MSRA: variants seen among roughly 807,000 people sequenced by gnomAD.
MSRA encodes the protein methionine sulfoxide reductase A.
A neutral mutation model predicts 31.3 loss-of-function variants in MSRA; 54 were observed. That is an observed-to-expected ratio of 1.73 (90% CI 1.39 to 2.17). MSRA has a LOEUF of 2.17. MSRA is among the 30% of genes most tolerant of loss of function. The probability of loss-of-function intolerance (pLI) is 0.00; values close to 1 mark genes in which losing one functional copy is unlikely to be tolerated. For synonymous variants in MSRA, 169 were observed against 116.5 expected (o/e 1.45, Z -2.90); for missense variants, 507 against 300.9 (o/e 1.69, Z -5.07).
chr8:10,090,672 A>G lies in MSRA; in HGVS notation c.142+36014A>G, dbSNP rs147601017. 2.0e-5 allele frequency among the ~76,000 whole-genome samples: 3 copies of G among 152,334 alleles called. No homozygotes were observed. In the East Asian group the frequency reaches 5.8e-4, roughly 29 times the overall value. On this transcript the variant is annotated intron_variant, in intron 1 of 5. Transcript: ENST00000317173. Reference sequence around the variant, plus strand: ...CACTCCAAAAGGAAACCCCATAGTCATTGGCAGTCACTTCCAATTCTTCCC... The same window carrying G: ...CACTCCAAAAGGAAACCCCATAGTCGTTGGCAGTCACTTCCAATTCTTCCC...
At chr8:10,325,639 T>C (rs1321743703) in intron 5 of MSRA, among the ~76,000 whole-genome samples, 1 of 152,202 alleles carries the variant, frequency 6.6e-6, no homozygotes. Context: ...AAATCAGCAA[T>C]TTGCAATGCC....
intron 5 of MSRA, among the ~76,000 whole-genome samples, chr8:10,367,252 A>G (rs1033396098): frequency 3.9e-5 from 6 of 152,202 alleles, no homozygotes; most frequent in Non-Finnish European, 5.9e-5. Context: ...AGTAAGAACA[A>G]TAAGATATTT....
intron 1 of MSRA, among the ~76,000 whole-genome samples, chr8:10,155,299 C>G (rs1415298402): frequency 6.6e-6 from 1 of 152,140 alleles, no homozygotes; most frequent in Non-Finnish European, 1.5e-5. Context: ...AACATTTTCA[C>G]TGTGGAAGGA....
chr8:10,143,500 A>G (rs1802877017), intron 1 of MSRA, among the ~76,000 whole-genome samples: 2 of 152,158 alleles, frequency 1.3e-5, no homozygotes, highest in African/African-American at 4.8e-5. Context: ...TTTCATCACG[A>G]GGCTCTATAT....
chr8:10,306,857 A>C lies in MSRA; in HGVS notation c.436+5219A>C, dbSNP rs568205684. On this transcript the variant is annotated intron_variant, in intron 4 of 5. Coordinates refer to ENST00000317173, the MANE Select transcript of MSRA (RefSeq NM_012331.5). ...CACTAAATCTGATTTCTCAGTTGCA[A>C]CCCATCTTGCTGTCCTCAGTCCTGG... 3.3e-5 allele frequency among the ~76,000 whole-genome samples: 5 copies of C among 152,208 alleles called. No individual in the cohort carries two copies. The South Asian group carries it at 1.0e-3, about 32-fold the overall frequency.
At chr8:10,238,441 G>A (rs987723633) in intron 2 of MSRA, among the ~76,000 whole-genome samples, 7 of 152,186 alleles carry the variant, frequency 4.6e-5, no homozygotes, top group Non-Finnish European at 1.0e-4. Flanking sequence ...ACTAAACAGG[G>A]TAGGATCTTG....
At chr8:10,075,429 A>G (rs546002174) in intron 1 of MSRA, among the ~76,000 whole-genome samples, 2 of 152,336 alleles carry the variant, frequency 1.3e-5, no homozygotes, top group South Asian at 4.1e-4. Flanking sequence ...ACGACTGTGT[A>G]TGTGTGTCCA....
At chr8:10,417,323 C>T (rs987744606) in intron 5 of MSRA, among the ~76,000 whole-genome samples, 12 of 152,020 alleles carry the variant, frequency 7.9e-5, no homozygotes, top group East Asian at 1.9e-4. Flanking sequence ...TGATTGATGA[C>T]TCACAGGGGC....
At chr8:10,140,454 A>G (rs1802607467) in intron 1 of MSRA, among the ~76,000 whole-genome samples, 1 of 152,202 alleles carries the variant, frequency 6.6e-6, no homozygotes, top group Non-Finnish European at 1.5e-5. Flanking sequence ...TGGTTTTCAC[A>G]TTTCAGGCAT....
intron 1 of MSRA, among the ~76,000 whole-genome samples, chr8:10,055,863 C>T (rs899350258): frequency 1.3e-5 from 2 of 152,072 alleles, no homozygotes; most frequent in Non-Finnish European, 2.9e-5. Flanking sequence ...GTGTGACTGG[C>T]TTATTATTAA....
chr8:10,202,333 C>T (rs1268453748), intron 1 of MSRA, among the ~76,000 whole-genome samples: 1 of 152,194 alleles, frequency 6.6e-6, no homozygotes, highest in Non-Finnish European at 1.5e-5. Flanking sequence ...AAAGAACTTG[C>T]TATTTTCCCA....
At chr8:10,171,295 G>A (rs1369490259) in intron 1 of MSRA, among the ~76,000 whole-genome samples, 1 of 150,374 alleles carries the variant, frequency 6.7e-6, no homozygotes, top group South Asian at 2.1e-4. Context: ...TCTTATTCCT[G>A]TACACTCCCT....
chr8:10,229,311 A>G (rs1811264068), intron 2 of MSRA, among the ~76,000 whole-genome samples: 1 of 152,238 alleles, frequency 6.6e-6, no homozygotes, highest in African/African-American at 2.4e-5. Context: ...AGAAGTAGCC[A>G]TTAGAGAGGG....
chr8:10,139,442 G>A (rs981737648), intron 1 of MSRA, among the ~76,000 whole-genome samples: 10 of 152,166 alleles, frequency 6.6e-5, no homozygotes, highest in Non-Finnish European at 1.2e-4. Context: ...GTTGCGTAGT[G>A]GTGAAGCCTG....
At chr8:10,200,836 C>G (rs568305265) in intron 1 of MSRA, among the ~76,000 whole-genome samples, 1 of 152,288 alleles carries the variant, frequency 6.6e-6, no homozygotes, top group South Asian at 2.1e-4. Flanking sequence ...TGACTCCATC[C>G]TCTCTCAGAG....
chr8:10,264,548 C>G (rs1798646283), intron 3 of MSRA, among the ~76,000 whole-genome samples: 1 of 152,192 alleles, frequency 6.6e-6, no homozygotes, highest in Admixed American at 6.5e-5. Flanking sequence ...AAAGCTGCTC[C>G]CAGTGGAGCC....
rs958840408 is a variant in MSRA at position 10,428,605 on chromosome 8, G to C, written c.*293G>C. On this transcript the variant is annotated 3_prime_UTR_variant, in exon 6 of 6. Transcript: ENST00000317173. ...GTTCACCCTTCTTGGTAGAAGCTAAGGTGTGAGCTGGGAGGTTGCTGGACA... is the reference window on the plus strand; with the variant it reads ...GTTCACCCTTCTTGGTAGAAGCTAACGTGTGAGCTGGGAGGTTGCTGGACA... The C allele has an allele frequency of 2.8e-6, 1 of 362,010 alleles. No homozygotes were observed. Among genetic ancestry groups the C allele is most frequent in the African/African-American group, 2.2e-5 (1 of 46,396 alleles). The allele number at this position is 362,010 out of a possible 1,614,324, so 22.4% of individuals were successfully genotyped here.
intron 1 of MSRA, among the ~76,000 whole-genome samples, chr8:10,119,478 TG>T (rs1800945608): frequency 1.3e-5 from 2 of 152,186 alleles, no homozygotes; most frequent in Admixed American, 1.3e-4. Flanking sequence ...GATTGAAGTC[TG>T]GAGTGATTCT....
intron 1 of MSRA, among the ~76,000 whole-genome samples, chr8:10,166,662 C>T (rs1447444686): frequency 6.6e-6 from 1 of 152,274 alleles, no homozygotes; most frequent in South Asian, 2.1e-4. Flanking sequence ...TGCATTTTTC[C>T]CTCCAGCCTC....
Sources: allele counts gnomAD v4.1 joint callset (sites outside exome capture counted in the v4.1 genomes callset), GRCh38; gene constraint gnomAD v4.1.1; transcripts MANE v1.5; gene names NCBI Gene and HGNC (gene_info 2026-07-23, HGNC 2026-07-21).